The following VPS13D variants were observed in gnomAD, a reference collection of about 807,000 sequenced individuals.
VPS13D encodes vacuolar protein sorting 13 homolog D, also known as intermembrane lipid transfer protein VPS13D.
Under a neutral mutation model 461.9 loss-of-function variants are expected in VPS13D, and 187 were observed. That is an observed-to-expected ratio of 0.40 (90% CI 0.36 to 0.46). The LOEUF is 0.46. VPS13D is among the 20% of genes least tolerant of loss of function. VPS13D has a pLI of 0.60. For missense variants in VPS13D, 4,711 were observed against 5,364.9 expected (o/e 0.88, Z 3.81); for synonymous variants, 1,951 against 1,986.3 (o/e 0.98, Z 0.47).
chr1:12,312,951 T>G (rs1642795515), intron 29 of VPS13D, among the ~76,000 whole-genome samples: 1 of 152,174 alleles, frequency 6.6e-6, no homozygotes, highest in Non-Finnish European at 1.5e-5. Flanking sequence ...CCTTAGTCAG[T>G]GTAAATGTAT....
chr1:12,256,330 CAGG>C lies in VPS13D; in HGVS notation c.671_673del (p.Glu224del). The stretch of plus-strand genomic sequence containing the variant: ...GCAGAGCAGGTGTTCTTGTGACACA[CAGG>C]AGGCCATGGCCAGGAGCATGGAGAG... On this transcript the variant is annotated splice_acceptor_variant and coding_sequence_variant, in exon 8 of 70. Coordinates refer to ENST00000620676, the MANE Select transcript of VPS13D (RefSeq NM_015378.4). LOFTEE classifies it high-confidence loss of function. 6.2e-7 allele frequency: 1 copy of C among 1,613,042 alleles called. No individual in the cohort carries two copies. Among genetic ancestry groups the C allele is most frequent in the Non-Finnish European group, 8.5e-7 (1 of 1,179,766 alleles).
At chr1:12,386,086 G>T in intron 59 of VPS13D, 99 bp from the exon 60 acceptor site, 1 of 1,371,822 alleles carries the variant, frequency 7.3e-7, no homozygotes. Context: ...GAGAGATCGG[G>T]AGTAGAGGAA....
At chr1:12,287,937 G>T in intron 21 of VPS13D, among the ~76,000 whole-genome samples, 1 of 152,132 alleles carries the variant, frequency 6.6e-6, no homozygotes, top group East Asian at 1.9e-4. Flanking sequence ...GCCAAAATGA[G>T]AAAAATTATT....
intron 67 of VPS13D, among the ~76,000 whole-genome samples, chr1:12,489,182 A>G (rs1461278374): frequency 6.6e-6 from 1 of 152,222 alleles, no homozygotes; most frequent in East Asian, 1.9e-4. Flanking sequence ...ACTAAGAAAA[A>G]AAATCTGGAG....
intron 68 of VPS13D, chr1:12,499,634 T>C (rs1253354707): frequency 2.0e-6 from 2 of 985,352 alleles, no homozygotes; most frequent in African/African-American, 3.5e-5. Flanking sequence ...TAGGAAGAGA[T>C]ATTGGCATGA....
At position 12,382,932 on chromosome 1, in the gene VPS13D, T is replaced by C. The variant is rs111370702; in HGVS notation, c.11191-44T>C. 5.1e-3 allele frequency: 7,946 copies of C among 1,552,152 alleles called. 43 individuals carry two copies. Among genetic ancestry groups the C allele is most frequent in the South Asian group, 7.6e-3 (646 of 84,500 alleles). On this transcript the variant is annotated intron_variant, in intron 57 of 69. Coordinates refer to ENST00000620676, the MANE Select transcript of VPS13D (RefSeq NM_015378.4). The stretch of plus-strand genomic sequence containing the variant: ...TGATGTGTTAACTTGTCAAAGTCAG[T>C]GCCTCTGTCTTTTCTCACATGTCTC...
At chr1:12,433,094 T>A (rs1179758480) in intron 65 of VPS13D, among the ~76,000 whole-genome samples, 1 of 152,176 alleles carries the variant, frequency 6.6e-6, no homozygotes, top group Non-Finnish European at 1.5e-5. Context: ...CACAGGCATG[T>A]GGCAGAATGA....
Position 12,279,828 on chromosome 1 carries a change from G to A in VPS13D, c.4602+178G>A, listed in dbSNP as rs993038596. On this transcript the variant is annotated intron_variant, in intron 20 of 69. Coordinates refer to ENST00000620676, the MANE Select transcript of VPS13D (RefSeq NM_015378.4). The surrounding 1 kb of genome is among the most constrained non-coding windows in gnomAD (Gnocchi z 4.3). ...AATTGTGGAATCCTTTTGTCATGGG[G>A]AATCCGTCTTGTCAGCCTTTTTCAT... Among the ~76,000 whole-genome samples the A allele has an allele frequency of 1.3e-5, 2 of 152,090 alleles. No homozygotes were observed. Among genetic ancestry groups the A allele is most frequent in the African/African-American group, 2.4e-5 (1 of 41,434 alleles).
intron 63 of VPS13D, among the ~76,000 whole-genome samples, chr1:12,406,538 A>C (rs1199842871): frequency 2.6e-5 from 4 of 152,236 alleles, no homozygotes; most frequent in Non-Finnish European, 5.9e-5. Context: ...CACTGAGGGT[A>C]CATTGTTGCC....
At chr1:12,340,920 C>T (rs1451763952) in intron 40 of VPS13D, among the ~76,000 whole-genome samples, 2 of 152,144 alleles carry the variant, frequency 1.3e-5, no homozygotes, top group Non-Finnish European at 2.9e-5. Flanking sequence ...CCTTTCAGTA[C>T]TCTGTGTTCC....
intron 24 of VPS13D, 33 bp downstream of exon 24, chr1:12,293,737 C>G: frequency 6.3e-7 from 1 of 1,597,242 alleles, no homozygotes; most frequent in South Asian, 1.1e-5. Flanking sequence ...GCTGCTTTTC[C>G]AGTTTGACTG....
intron 54 of VPS13D, among the ~76,000 whole-genome samples, chr1:12,370,609 TTGTC>T (rs1255129638): frequency 6.6e-6 from 1 of 152,236 alleles, no homozygotes; most frequent in East Asian, 1.9e-4. Context: ...CATTCTTTCT[TTGTC>T]TGTTGACGTT....
chr1:12,400,413 G>A lies in VPS13D; in HGVS notation c.11784+83G>A. On this transcript the variant is annotated intron_variant, in intron 61 of 69. Transcript: ENST00000620676. ...CTCACAGCCAAGTCTCAGAGCAGCA[G>A]TGCCGGGTGCTGATGGGAATAGCTC... The A allele has an allele frequency of 2.0e-6, 3 of 1,529,158 alleles. No individual in the cohort carries two copies. The Admixed American group carries it at 5.7e-5, about 29-fold the overall frequency. 94.7% of individuals were successfully genotyped at this position (1,529,158 alleles called of 1,614,324 possible).
At chr1:12,446,921 C>T (rs577829158) in intron 65 of VPS13D, among the ~76,000 whole-genome samples, 41 of 152,204 alleles carry the variant, frequency 2.7e-4, no homozygotes, top group Admixed American at 9.8e-4. Context: ...TGTACCAAGC[C>T]TCCTATTTCT....
chr1:12,485,789 G>C (rs1429960706), intron 67 of VPS13D, among the ~76,000 whole-genome samples: 1 of 152,196 alleles, frequency 6.6e-6, no homozygotes, highest in African/African-American at 2.4e-5. Flanking sequence ...TCCAATTCAT[G>C]TTAACACTGG....
intron 35 of VPS13D, among the ~76,000 whole-genome samples, chr1:12,324,990 T>G (rs1440325167): frequency 3.3e-5 from 5 of 152,220 alleles, no homozygotes; most frequent in Admixed American, 3.3e-4. Flanking sequence ...AAATCTGTGT[T>G]CTTTCTACTC....
chr1:12,443,705 G>A (rs1375254943), intron 65 of VPS13D, among the ~76,000 whole-genome samples: 1 of 150,568 alleles, frequency 6.6e-6, no homozygotes, highest in African/African-American at 2.4e-5. Flanking sequence ...ATTGATATCC[G>A]TTAGATCTCT....
chr1:12,373,560 G>A (rs187689574), intron 54 of VPS13D, among the ~76,000 whole-genome samples, 190 bp from the exon 55 acceptor site: 1 of 152,022 alleles, frequency 6.6e-6, no homozygotes, highest in Non-Finnish European at 1.5e-5. Flanking sequence ...TCTTGGAACT[G>A]TGTAGGGAAA....
chr1:12,369,807 T>C, intron 54 of VPS13D, 105 bp downstream of exon 54: 1 of 1,015,760 alleles, frequency 9.8e-7, no homozygotes, highest in Non-Finnish European at 1.4e-6. Flanking sequence ...CAAAGGAAGA[T>C]TCTTTCATTC....
Sources: gnomAD v4.1 joint callset for allele counts (sites outside exome capture counted in the v4.1 genomes callset) on GRCh38, gnomAD v4.1.1 for gene constraint, Gnocchi (gnomAD v3.1) non-coding constraint, MANE v1.5 for transcripts, NCBI Gene and HGNC (gene_info 2026-07-23, HGNC 2026-07-21) for gene names.